Variants in LIN28B observed in about 807,000 individuals in gnomAD.
LIN28B encodes the protein lin-28 RNA binding posttranscriptional regulator B.
A neutral mutation model predicts 21.9 loss-of-function variants in LIN28B; 5 were observed. The ratio of observed to expected loss-of-function variants is 0.23; its 90% confidence interval spans 0.12 to 0.48. The LOEUF (loss-of-function observed/expected upper bound fraction) is 0.48, where lower values mean the gene tolerates loss of function less well. Ranked by LOEUF, LIN28B falls within the 20% of genes least tolerant of loss-of-function variation. The pLI, the probability that LIN28B is intolerant of heterozygous loss-of-function variation, is 0.98. For synonymous variants in LIN28B, 109 were observed against 111.3 expected (o/e 0.98, Z 0.13); for missense variants, 245 against 310.5 (o/e 0.79, Z 1.58).
At chr6:105,059,711 T>C (rs922375156) in intron 3 of LIN28B, among the ~76,000 whole-genome samples, 13 of 152,172 alleles carry the variant, frequency 8.5e-5, no homozygotes, top group Non-Finnish European at 1.9e-4. Context: ...ATTACTAAAA[T>C]GTATGACAAT....
chr6:105,038,794 C>G (rs1246685056), intron 3 of LIN28B, among the ~76,000 whole-genome samples: 1 of 152,056 alleles, frequency 6.6e-6, no homozygotes, highest in African/African-American at 2.4e-5. Context: ...CAGAAATGAA[C>G]AAATAGTAAT....
chr6:104,974,993 T>G lies in LIN28B; in HGVS notation c.198+16707T>G, dbSNP rs1392158608. The stretch of plus-strand genomic sequence containing the variant: ...TGCCACCACACCTGGATAATTTTTG[T>G]ATTTTTAGTAGACATGGGGTTTCAC... On this transcript the variant is annotated intron_variant, in intron 2 of 3. Coordinates refer to ENST00000345080, the MANE Select transcript of LIN28B (RefSeq NM_001004317.4). Among the ~76,000 whole-genome samples, 7 of 152,192 alleles carry G rather than the reference T, an allele frequency of 4.6e-5. No homozygotes were observed. The East Asian group carries it at 1.4e-3, about 29-fold the overall frequency.
intron 3 of LIN28B, among the ~76,000 whole-genome samples, chr6:105,044,807 C>T (rs998598862): frequency 6.6e-6 from 1 of 152,094 alleles, no homozygotes; most frequent in Non-Finnish European, 1.5e-5. Flanking sequence ...TCTTGCCCGA[C>T]TAGTGCACGT....
chr6:104,969,355 C>G (rs1769927539), intron 2 of LIN28B, among the ~76,000 whole-genome samples: 1 of 152,038 alleles, frequency 6.6e-6, no homozygotes, highest in African/African-American at 2.4e-5. Context: ...TTGATCAAGC[C>G]ACAGAAGCCA....
chr6:105,061,794 T>C (rs1772125343), intron 3 of LIN28B, among the ~76,000 whole-genome samples: 1 of 152,152 alleles, frequency 6.6e-6, no homozygotes, highest in Non-Finnish European at 1.5e-5. Flanking sequence ...AGTTACAGGC[T>C]GAAATCCTGG....
upstream of LIN28B, among the ~76,000 whole-genome samples, chr6:104,956,628 T>A (rs1005297281): frequency 7.9e-5 from 12 of 152,200 alleles, no homozygotes; most frequent in African/African-American, 2.9e-4. Flanking sequence ...TTATATATTT[T>A]CCTCTAAGAA....
chr6:105,054,832 T>TA (rs1771989936), intron 3 of LIN28B, among the ~76,000 whole-genome samples: 1 of 150,628 alleles, frequency 6.6e-6, no homozygotes, highest in African/African-American at 2.5e-5. Flanking sequence ...ACATTTTTCT[T>TA]GAACCTGAAC....
intron 2 of LIN28B, among the ~76,000 whole-genome samples, chr6:105,013,574 CAAA>C (rs1770966347): frequency 2.0e-5 from 3 of 151,638 alleles, no homozygotes; most frequent in Admixed American, 1.3e-4. Flanking sequence ...CCTGTCTCTA[CAAA>C]AAATAAGCCC....
chr6:105,045,215 C>T (rs886275319), intron 3 of LIN28B, among the ~76,000 whole-genome samples: 1 of 150,574 alleles, frequency 6.6e-6, no homozygotes, highest in Non-Finnish European at 1.5e-5. Context: ...TAAATCCACT[C>T]ACTTATATTT....
At chr6:104,991,755 A>G (rs982065975) in intron 2 of LIN28B, among the ~76,000 whole-genome samples, 2 of 152,222 alleles carry the variant, frequency 1.3e-5, no homozygotes, top group African/African-American at 2.4e-5. Flanking sequence ...CTCCGTCTGC[A>G]ATCCCGGCAC....
intron 3 of LIN28B, among the ~76,000 whole-genome samples, chr6:105,059,979 C>T (rs988276715): frequency 6.6e-6 from 1 of 151,884 alleles, no homozygotes; most frequent in African/African-American, 2.4e-5. Context: ...TCTCAACTCA[C>T]CACAACCTCC....
chr6:104,980,973 T>TTAGCCCATTCG (rs1770209968), intron 2 of LIN28B, among the ~76,000 whole-genome samples: 1 of 152,160 alleles, frequency 6.6e-6, no homozygotes, highest in Non-Finnish European at 1.5e-5. Context: ...TTCTGGGTGT[T>TTAGCCCATTCG]TAGCCCATTC....
chr6:105,026,933 A>G (rs1190594582), intron 3 of LIN28B, among the ~76,000 whole-genome samples: 1 of 152,212 alleles, frequency 6.6e-6, no homozygotes, highest in Non-Finnish European at 1.5e-5. Flanking sequence ...GGTGGGAATT[A>G]TAATATATAT....
chr6:104,969,626 A>T (rs972537557), intron 2 of LIN28B, among the ~76,000 whole-genome samples: 2 of 152,174 alleles, frequency 1.3e-5, no homozygotes, highest in Non-Finnish European at 2.9e-5. Context: ...CTTTAAATAC[A>T]TGTTATTTTA....
In LIN28B at chr6:104,981,172, A is replaced by C. The variant is rs534623324; in HGVS notation, c.198+22886A>C. 2.6e-5 allele frequency among the ~76,000 whole-genome samples: 4 copies of C among 152,294 alleles called. No individual in the cohort carries two copies. In the South Asian group the frequency reaches 8.3e-4, roughly 32 times the overall value. ...CCTTCTGAAAACACTGCTATTTTAA[A>C]ATCATTCTACTCATATTTGCTTCTC... is the stretch of plus-strand genomic sequence containing the variant. On this transcript the variant is annotated intron_variant, in intron 2 of 3. Transcript: ENST00000345080.
intron 2 of LIN28B, among the ~76,000 whole-genome samples, chr6:104,961,923 G>A (rs1302775951): frequency 6.6e-6 from 1 of 152,120 alleles, no homozygotes; most frequent in Non-Finnish European, 1.5e-5. Context: ...GAATAGAATG[G>A]TAATTAAATA....
At chr6:104,971,315 T>C (rs1769974041) in intron 2 of LIN28B, among the ~76,000 whole-genome samples, 1 of 152,150 alleles carries the variant, frequency 6.6e-6, no homozygotes, top group East Asian at 1.9e-4. Flanking sequence ...AATGAGTATT[T>C]ATTGTTTACA....
At chr6:104,963,971 A>G (rs1769805658) in intron 2 of LIN28B, among the ~76,000 whole-genome samples, 1 of 152,218 alleles carries the variant, frequency 6.6e-6, no homozygotes, top group African/African-American at 2.4e-5. Context: ...TTCATGAGAA[A>G]TTAAAAGCTT....
upstream of LIN28B, among the ~76,000 whole-genome samples, chr6:104,954,083 T>C (rs373040030): frequency 3.9e-5 from 6 of 152,306 alleles, no homozygotes; most frequent in East Asian, 5.8e-4. Context: ...GACGATTCTT[T>C]GTAGCTACTT....
Sources: gnomAD v4.1 joint callset for allele counts (sites outside exome capture counted in the v4.1 genomes callset) on GRCh38, gnomAD v4.1.1 for gene constraint, MANE v1.5 for transcripts, NCBI Gene and HGNC (gene_info 2026-07-23, HGNC 2026-07-21) for gene names.